Variants in DGCR8 observed in about 807,000 individuals in gnomAD.
The protein encoded by DGCR8 is DGCR8 microprocessor complex subunit, also known as microprocessor complex subunit DGCR8.
DGCR8 carries 14 observed loss-of-function variants against 78.5 expected under a neutral mutation model. That is an observed-to-expected ratio of 0.18 (90% CI 0.12 to 0.28). The LOEUF (loss-of-function observed/expected upper bound fraction) is 0.28. Among genes scored for constraint, DGCR8 ranks in the 10% least tolerant of loss-of-function variants. The pLI is 1.00. For synonymous variants in DGCR8, 399 were observed against 402.4 expected, an observed-to-expected ratio of 0.99 and a Z score of 0.10; for missense variants, 702 against 1,022.5, an observed-to-expected ratio of 0.69 and a Z score of 4.28.
intron 9 of DGCR8, among the ~76,000 whole-genome samples, chr22:20,096,257 C>CATGGAGG (rs1330517391): frequency 2.6e-5 from 4 of 152,136 alleles, no homozygotes; most frequent in Non-Finnish European, 2.9e-5. Context: ...GAAACATCAT[C>CATGGAGG]ATGAAGGTCT....
rs1385585441 is a variant in DGCR8 at position 20,086,438 on chromosome 22, G to A, written c.475G>A (p.Val159Met). 7 of 1,613,890 alleles carry A rather than the reference G, an allele frequency of 4.3e-6. No individual in the cohort carries two copies. The highest frequency in any genetic ancestry group is 3.3e-5 in the South Asian group (3 of 91,086). Residue 159 changes from valine (V) to methionine (M), a missense_variant, in exon 2 of 14, where the codon GTG becomes ATG. By Grantham distance (21) the Val-to-Met change is conservative (BLOSUM62 1). Transcript: ENST00000351989. The surrounding 1 kb of genome is among the most constrained non-coding windows in gnomAD (Gnocchi z 6.4). Reference sequence around the variant, plus strand: ...GCTCCTTAGCCCTGTCAGTGGGGACGTGCATGCTTGTCCCTTTGGCGGGAG... The same window carrying A: ...GCTCCTTAGCCCTGTCAGTGGGGACATGCATGCTTGTCCCTTTGGCGGGAG... Reference protein sequence around the residue: ...GLLLSPVSGDVHACPFGGSVG... With the variant: ...GLLLSPVSGDMHACPFGGSVG...
chr22:20,108,706 G>A (rs908422612), intron 12 of DGCR8, 184 bp from the exon 13 acceptor site: 2 of 498,724 alleles, frequency 4.0e-6, no homozygotes, highest in Non-Finnish European at 7.5e-6. Flanking sequence ...GCTGTCAGTG[G>A]GCCTGGCATC....
In DGCR8 at chr22:20,110,455, G is replaced by A. The variant is rs779381087; in HGVS notation, c.*347G>A. The A allele has an allele frequency of 4.3e-5, 10 of 232,852 alleles. No individual in the cohort carries two copies. The Admixed American group carries it at 4.9e-4, about 12-fold the overall frequency. The allele number at this position is 232,852 out of a possible 1,614,324, so 14.4% of individuals were successfully genotyped here. On this transcript the variant is annotated 3_prime_UTR_variant, in exon 14 of 14. Transcript: ENST00000351989. ...TTTCATGAATTTTAGTATGTAATAC[G>A]CACTGACGACACATGATGCTTGGAT...
chr22:20,095,011 G>T (rs534610280), intron 9 of DGCR8, among the ~76,000 whole-genome samples: 1 of 152,312 alleles, frequency 6.6e-6, no homozygotes, highest in African/African-American at 2.4e-5. Context: ...TTTTGTTAGA[G>T]ATTTTTGTCC....
At chr22:20,105,581 G>A (rs1443021058) in intron 9 of DGCR8, among the ~76,000 whole-genome samples, 2 of 152,228 alleles carry the variant, frequency 1.3e-5, no homozygotes, top group East Asian at 1.9e-4. Context: ...ATCACCTCTT[G>A]TTTCCCTGTC....
chr22:20,085,056 C>T lies in DGCR8; in HGVS notation c.-277-631C>T. 1.0e-6 allele frequency: 1 copy of T among 984,398 alleles called. No homozygotes were observed. Among genetic ancestry groups the T allele is most frequent in the Non-Finnish European group, 1.2e-6 (1 of 829,038 alleles). The allele number at this position is 984,398 out of a possible 1,614,324, so 61.0% of individuals were successfully genotyped here. A position where few individuals can be genotyped will look rare whatever the true frequency, so the allele number is the denominator to read the frequency against. ...TGGCAGGTCCCTTCCCCACAGCCACCCACCCCTCTCCTCCATCGGGAACAG... is the reference window on the plus strand; with the variant it reads ...TGGCAGGTCCCTTCCCCACAGCCACTCACCCCTCTCCTCCATCGGGAACAG... On this transcript the variant is annotated intron_variant, in intron 1 of 13. Coordinates refer to ENST00000351989, the MANE Select transcript of DGCR8 (RefSeq NM_022720.7). This position sits in a 1 kb window ranked among gnomAD's most constrained non-coding sequence, Gnocchi z 6.2.
Position 20,106,285 on chromosome 22 carries a change from A to AG in DGCR8, c.1889+14dup, listed in dbSNP as rs754828747. 12 of 1,609,550 alleles carry AG rather than the reference A, an allele frequency of 7.5e-6. No homozygotes were observed. The highest frequency in any genetic ancestry group is 2.2e-5 in the East Asian group (1 of 44,870). ...CCACGAGTGCCTTAAAAGGTAGGGT[A>AG]GGGGGGTGCCTCCCCCCATGAGTCA... On this transcript the variant is annotated intron_variant, in intron 10 of 13. Coordinates refer to ENST00000351989, the MANE Select transcript of DGCR8 (RefSeq NM_022720.7).
At chr22:20,109,933 A>G (rs1324177698) in intron 13 of DGCR8, 92 bp from the exon 14 acceptor site, 17 of 1,281,500 alleles carry the variant, frequency 1.3e-5, no homozygotes, top group East Asian at 2.4e-5. Flanking sequence ...GCCTCCTGGC[A>G]TGATCTGCTG....
At chr22:20,101,388 A>G (rs914595909) in intron 9 of DGCR8, 16 of 736,684 alleles carry the variant, frequency 2.2e-5, no homozygotes, top group Non-Finnish European at 2.7e-5. Flanking sequence ...CATCCTGGCT[A>G]ACACGGTGAA....
intron 9 of DGCR8, among the ~76,000 whole-genome samples, chr22:20,096,932 T>G (rs547428331): frequency 1.3e-5 from 2 of 151,206 alleles, no homozygotes; most frequent in Non-Finnish European, 3.0e-5. Flanking sequence ...GATGATCATG[T>G]TTTTTTTTGT....
intron 1 of DGCR8, among the ~76,000 whole-genome samples, chr22:20,083,202 CTCCCCT>C (rs1373488557): frequency 6.6e-6 from 1 of 152,132 alleles, no homozygotes; most frequent in Non-Finnish European, 1.5e-5. Context: ...CTAAAACTGC[CTCCCCT>C]TCTTCAGGCG....
intron 6 of DGCR8, 67 bp from the exon 7 acceptor site, chr22:20,091,801 TA>T: frequency 6.6e-7 from 1 of 1,521,282 alleles, no homozygotes; most frequent in Non-Finnish European, 9.1e-7. Context: ...ACTGACATGG[TA>T]ACAGGAAGCT....
rs2049850452 is a variant in DGCR8, at chr22:20,111,706, G to GCCCGCCCCCCCC, written c.*1601_*1602insGCCCCCCCCCCC. The GCCCGCCCCCCCC allele has an allele frequency of 1.6e-5, 1 of 63,028 alleles. No homozygotes were observed. The highest frequency in any genetic ancestry group is 3.0e-5 in the Non-Finnish European group (1 of 33,564). The allele number at this position is 63,028 out of a possible 1,614,324, so 3.9% of individuals were successfully genotyped here. A position where few individuals can be genotyped will look rare whatever the true frequency, so the allele number is the denominator to read the frequency against. The stretch of plus-strand genomic sequence containing the variant: ...TGCCATACTCTTGTGGTCTCTGTGC[G>GCCCGCCCCCCCC]CCCCCCCCCCCCCCCCACCCGTCTG... On this transcript the variant is annotated 3_prime_UTR_variant, in exon 14 of 14. Transcript: ENST00000351989.
At chr22:20,095,424 A>G (rs2049617184) in intron 9 of DGCR8, among the ~76,000 whole-genome samples, 3 of 152,042 alleles carry the variant, frequency 2.0e-5, no homozygotes, top group Admixed American at 6.6e-5. Context: ...TTCTTTATAT[A>G]CTTGACCCTT....
At position 20,082,998 on chromosome 22, in the gene DGCR8, C is replaced by G. The variant is rs939755310; in HGVS notation, c.-278+2615C>G. Among the ~76,000 whole-genome samples the G allele has an allele frequency of 2.0e-5, 3 of 152,296 alleles. No homozygotes were observed. The East Asian group carries it at 5.8e-4, about 29-fold the overall frequency. On this transcript the variant is annotated intron_variant, in intron 1 of 13. Coordinates refer to ENST00000351989, the MANE Select transcript of DGCR8 (RefSeq NM_022720.7). ...GAGGACCAGCCCTGATCCATCTGCC[C>G]TCATGGACTTGGCCCACTGTCACGT...
chr22:20,082,187 G>A (rs1352296080), intron 1 of DGCR8, among the ~76,000 whole-genome samples: 1 of 151,716 alleles, frequency 6.6e-6, no homozygotes, highest in Non-Finnish European at 1.5e-5. Flanking sequence ...CTCCCAAGTA[G>A]CTGGGACTGC....
chr22:20,086,861 TAA>T lies in DGCR8; in HGVS notation c.720+180_720+181del. ...GAAAGATGTAAGGAGTCCAGATTTT[TAA>T]AGTTTCCTAATGAAAAGTTTGGCCC... On this transcript the variant is annotated intron_variant, in intron 2 of 13. Coordinates refer to ENST00000351989, the MANE Select transcript of DGCR8 (RefSeq NM_022720.7). This position sits in a 1 kb window ranked among gnomAD's most constrained non-coding sequence, Gnocchi z 6.4. 1.1e-6 allele frequency: 1 copy of T among 879,978 alleles called. No individual in the cohort carries two copies. The highest frequency in any genetic ancestry group is 1.7e-6 in the Non-Finnish European group (1 of 598,292). The allele number at this position is 879,978 out of a possible 1,614,324, so 54.5% of individuals were successfully genotyped here.
In DGCR8 at chr22:20,104,637, T is replaced by G. The variant is rs190909662; in HGVS notation, c.1789-1540T>G. On this transcript the variant is annotated intron_variant, in intron 9 of 13. Transcript: ENST00000351989. ...TTGGCTGGTTGACAAACCCTTGAGG[T>G]TCCAGGGCCTGATGTCTTGGTGAGT... Among the ~76,000 whole-genome samples, 58 of 152,188 alleles carry G rather than the reference T, an allele frequency of 3.8e-4. No homozygotes were observed. In the East Asian group the frequency reaches 0.01, roughly 27 times the overall value.
intron 9 of DGCR8, among the ~76,000 whole-genome samples, chr22:20,095,130 A>G (rs982118217): frequency 6.6e-6 from 1 of 151,874 alleles, no homozygotes; most frequent in African/African-American, 2.4e-5. Flanking sequence ...TTTTTTTGAG[A>G]CAAAGTCTTG....
Sources: allele counts gnomAD v4.1 joint callset (sites outside exome capture counted in the v4.1 genomes callset), GRCh38; gene constraint gnomAD v4.1.1; non-coding constraint Gnocchi (gnomAD v3.1); transcripts MANE v1.5; gene names NCBI Gene and HGNC (gene_info 2026-07-23, HGNC 2026-07-21).